Variants in ST8SIA6 observed in about 807,000 individuals in gnomAD.
ST8SIA6 encodes alpha-2,8-sialyltransferase 8F.
Under a neutral mutation model 33.6 loss-of-function variants are expected in ST8SIA6, and 39 were observed. The observed-to-expected ratio is 1.16, with a 90% CI of 0.90 to 1.52. The LOEUF is 1.52. ST8SIA6 is among the 40% of genes most tolerant of loss of function. ST8SIA6 has a pLI of 0.00. For missense variants in ST8SIA6, 441 were observed against 443.8 expected, an observed-to-expected ratio of 0.99 and a Z score of 0.06; for synonymous variants, 172 against 167.2, an observed-to-expected ratio of 1.03 and a Z score of -0.22.
At chr10:17,344,830 T>A (rs1848780473) in intron 4 of ST8SIA6, among the ~76,000 whole-genome samples, 1 of 151,848 alleles carries the variant, frequency 6.6e-6, no homozygotes, top group East Asian at 1.9e-4. Flanking sequence ...GTGCACAGAG[T>A]CAAGGCTAAG....
In ST8SIA6 at chr10:17,319,777, GT is replaced by G. The variant is rs1235414557; in HGVS notation, c.*1100del. On this transcript the variant is annotated 3_prime_UTR_variant, in exon 8 of 8. Coordinates refer to ENST00000377602, the MANE Select transcript of ST8SIA6 (RefSeq NM_001004470.3). ...ATATTTAATTATTTCAGTATATTTTGTTACTTTTACTAATCAATTACATATT... is the reference window on the plus strand; with the variant it reads ...ATATTTAATTATTTCAGTATATTTTGTACTTTTACTAATCAATTACATATT... 6.6e-6 allele frequency: 1 copy of G among 152,052 alleles called. No individual in the cohort carries two copies. The highest frequency in any genetic ancestry group is 1.5e-5 in the Non-Finnish European group (1 of 67,986). 9.4% of individuals were successfully genotyped at this position (152,052 alleles called of 1,614,324 possible).
intron 3 of ST8SIA6, among the ~76,000 whole-genome samples, chr10:17,385,253 C>G (rs936874537): frequency 6.6e-6 from 1 of 152,122 alleles, no homozygotes; most frequent in African/African-American, 2.4e-5. Context: ...AGAATGCAAC[C>G]ATTTGTGTCT....
intron 4 of ST8SIA6, among the ~76,000 whole-genome samples, chr10:17,341,511 G>C (rs1041777060): frequency 2.6e-5 from 4 of 152,130 alleles, no homozygotes; most frequent in African/African-American, 9.7e-5. Flanking sequence ...TAAATATTTT[G>C]AAACCCAAAG....
intron 4 of ST8SIA6, among the ~76,000 whole-genome samples, chr10:17,339,265 T>G (rs1848600781): frequency 6.6e-6 from 1 of 152,196 alleles, no homozygotes; most frequent in African/African-American, 2.4e-5. Flanking sequence ...ACTTAAGGCT[T>G]ACAGTTCACA....
At chr10:17,333,718 T>TA (rs1491246829) in intron 4 of ST8SIA6, among the ~76,000 whole-genome samples, 125 of 24,216 alleles carry the variant, frequency 5.2e-3, no homozygotes, top group Non-Finnish European at 7.3e-3. Context: ...TATATATATA[T>TA]TTTTTTTTTT....
At chr10:17,393,491 A>G (rs1282177922) in intron 2 of ST8SIA6, among the ~76,000 whole-genome samples, 1 of 152,212 alleles carries the variant, frequency 6.6e-6, no homozygotes, top group East Asian at 1.9e-4. Context: ...CCCTGTATCC[A>G]AATGTTTGAA....
chr10:17,404,286 T>A (rs916381839), intron 2 of ST8SIA6, among the ~76,000 whole-genome samples: 1 of 152,012 alleles, frequency 6.6e-6, no homozygotes, highest in South Asian at 2.1e-4. Context: ...GCTGTCCGAG[T>A]TGGAAGTGGA....
At chr10:17,331,074 A>G (rs1040574627) in intron 5 of ST8SIA6, among the ~76,000 whole-genome samples, 2 of 152,218 alleles carry the variant, frequency 1.3e-5, no homozygotes, top group African/African-American at 4.8e-5. Context: ...CATAACTGAC[A>G]ATTGGAAGAA....
In ST8SIA6 at chr10:17,349,952, ACAT is replaced by A. The variant is rs1848976862; in HGVS notation, c.377+9559_377+9561del. On this transcript the variant is annotated intron_variant, in intron 4 of 7. Transcript: ENST00000377602. ...ATTAAATAAACACACACACACACACACATACACACACAAATGAAAATGTATTAA... is the reference window on the plus strand; with the variant it reads ...ATTAAATAAACACACACACACACACAACACACACAAATGAAAATGTATTAA... Among the ~76,000 whole-genome samples the A allele has an allele frequency of 2.7e-5, 4 of 150,342 alleles. No homozygotes were observed. In the South Asian group the frequency reaches 8.3e-4, roughly 31 times the overall value.
intron 4 of ST8SIA6, among the ~76,000 whole-genome samples, chr10:17,345,977 G>T (rs1468299024): frequency 1.3e-5 from 2 of 152,182 alleles, no homozygotes; most frequent in Non-Finnish European, 2.9e-5. Context: ...TGAACCAGTA[G>T]AATGTGGCAG....
At chr10:17,351,303 T>G (rs1362262460) in intron 4 of ST8SIA6, among the ~76,000 whole-genome samples, 1 of 151,788 alleles carries the variant, frequency 6.6e-6, no homozygotes, top group Non-Finnish European at 1.5e-5. Context: ...TTCCTTCATT[T>G]ACTAGTGATG....
intron 3 of ST8SIA6, among the ~76,000 whole-genome samples, 197 bp downstream of exon 3, chr10:17,390,334 C>T (rs1850542062): frequency 6.6e-6 from 1 of 152,090 alleles, no homozygotes. Context: ...AAGTTGAGTC[C>T]CACTGCCAGG....
intron 4 of ST8SIA6, among the ~76,000 whole-genome samples, chr10:17,340,124 G>T (rs1421540319): frequency 1.3e-5 from 2 of 152,212 alleles, no homozygotes; most frequent in East Asian, 3.8e-4. Flanking sequence ...TCTCTTGAAA[G>T]AATCAGTATG....
intron 4 of ST8SIA6, among the ~76,000 whole-genome samples, chr10:17,344,267 A>G (rs1203046067): frequency 6.6e-6 from 1 of 152,262 alleles, no homozygotes; most frequent in Admixed American, 6.5e-5. Flanking sequence ...GTAAGATTTC[A>G]CGCTGCTAAT....
At chr10:17,390,730 T>C (rs545918285) in intron 2 of ST8SIA6, 110 bp from the exon 3 acceptor site, 1 of 782,622 alleles carries the variant, frequency 1.3e-6, no homozygotes, top group African/African-American at 1.8e-5. Context: ...TGAAGTCTCA[T>C]CTTTACTCCA....
At chr10:17,426,648 C>T (rs1851946700) in intron 2 of ST8SIA6, among the ~76,000 whole-genome samples, 1 of 152,220 alleles carries the variant, frequency 6.6e-6, no homozygotes, top group Admixed American at 6.5e-5. Context: ...GACTTGCAAG[C>T]ACTTTCGTTG....
At chr10:17,424,908 AT>A (rs1206755572) in intron 2 of ST8SIA6, among the ~76,000 whole-genome samples, 9 of 151,484 alleles carry the variant, frequency 5.9e-5, no homozygotes, top group African/African-American at 2.2e-4. Flanking sequence ...TAATTTTTGT[AT>A]TTTTTAGTAG....
intron 4 of ST8SIA6, among the ~76,000 whole-genome samples, chr10:17,358,959 C>A: frequency 6.6e-6 from 1 of 152,112 alleles, no homozygotes; most frequent in Non-Finnish European, 1.5e-5. Flanking sequence ...AAAATTTATT[C>A]CTGTCTGGAT....
At chr10:17,367,921 A>G (rs1037172021) in intron 3 of ST8SIA6, among the ~76,000 whole-genome samples, 1 of 152,196 alleles carries the variant, frequency 6.6e-6, no homozygotes, top group Non-Finnish European at 1.5e-5. Flanking sequence ...CCGAACACAC[A>G]TAAGCAGAGC....
Sources: allele counts gnomAD v4.1 joint callset (sites outside exome capture counted in the v4.1 genomes callset), GRCh38; gene constraint gnomAD v4.1.1; transcripts MANE v1.5; gene names NCBI Gene and HGNC (gene_info 2026-07-23, HGNC 2026-07-21).